Variants in LAMB4 observed in about 807,000 individuals in gnomAD.
LAMB4 encodes laminin subunit beta 4, also known as laminin subunit beta-4.
Under a neutral mutation model 199.2 loss-of-function variants are expected in LAMB4, and 196 were observed. The ratio of observed to expected loss-of-function variants is 0.98; its 90% confidence interval spans 0.88 to 1.11. The LOEUF is 1.11. Ranked by LOEUF, LAMB4 falls within the 50% of genes least tolerant of loss-of-function variation. LAMB4 has a pLI of 0.00. For synonymous variants in LAMB4, 744 were observed against 770.6 expected (o/e 0.97, Z 0.57); for missense variants, 2,080 against 2,171.2 (o/e 0.96, Z 0.83).
At chr7:108,025,437 T>C (rs867622640) in intron 33 of LAMB4, among the ~76,000 whole-genome samples, 6 of 111,140 alleles carry the variant, frequency 5.4e-5, no homozygotes, top group African/African-American at 4.6e-4. Context: ...TCTTTCTTTT[T>C]TTTTTTTTGA....
chr7:108,093,795 T>A (rs1482724334), intron 12 of LAMB4, among the ~76,000 whole-genome samples: 1 of 152,232 alleles, frequency 6.6e-6, no homozygotes, highest in Non-Finnish European at 1.5e-5. Context: ...GCATCCATAT[T>A]TTTTGTATCT....
chr7:108,027,291 A>G (rs1011441396), intron 33 of LAMB4, among the ~76,000 whole-genome samples: 5 of 152,206 alleles, frequency 3.3e-5, no homozygotes, highest in African/African-American at 1.2e-4. Flanking sequence ...TTTCATAGTT[A>G]AAATAACATT....
At chr7:108,083,724 G>A (rs2150588008) in intron 14 of LAMB4, among the ~76,000 whole-genome samples, 1 of 152,316 alleles carries the variant, frequency 6.6e-6, no homozygotes, top group South Asian at 2.1e-4. Flanking sequence ...ATTTGATGCT[G>A]TGTCCCTAAC....
chr7:108,052,295 A>G (rs747911326), intron 25 of LAMB4, 38 bp from the exon 26 acceptor site: 2 of 1,456,964 alleles, frequency 1.4e-6, no homozygotes, highest in East Asian at 2.4e-5. Flanking sequence ...TTAAGCTTGT[A>G]TTACATTTGA....
At chr7:108,116,784 A>C (rs2038422685) in intron 2 of LAMB4, among the ~76,000 whole-genome samples, 1 of 152,184 alleles carries the variant, frequency 6.6e-6, no homozygotes, top group African/African-American at 2.4e-5. Flanking sequence ...TGTACATCTC[A>C]GCACTTGGGA....
At chr7:108,044,099 A>T in intron 28 of LAMB4, 1 of 443,294 alleles carries the variant, frequency 2.3e-6, no homozygotes, top group South Asian at 4.1e-5. Context: ...TCTTTAATTT[A>T]TCATTAATTT....
intron 17 of LAMB4, 104 bp from the exon 18 acceptor site, chr7:108,069,989 G>T: frequency 1.2e-6 from 1 of 817,588 alleles, no homozygotes; most frequent in Non-Finnish European, 1.8e-6. Context: ...GTTCAAAGAA[G>T]ACTCAACTCA....
At chr7:108,114,405 T>C (rs1054072477) in intron 3 of LAMB4, among the ~76,000 whole-genome samples, 1 of 151,906 alleles carries the variant, frequency 6.6e-6, no homozygotes, top group African/African-American at 2.4e-5. Flanking sequence ...TGCTACTGCA[T>C]GCCAGCCTGG....
At chr7:108,124,674 A>AAG (rs1554453312) in intron 1 of LAMB4, among the ~76,000 whole-genome samples, 1 of 151,984 alleles carries the variant, frequency 6.6e-6, no homozygotes, top group Admixed American at 6.6e-5. Context: ...CAAAAAAAAA[A>AAG]CAACCTCATT....
intron 29 of LAMB4, among the ~76,000 whole-genome samples, chr7:108,038,244 C>G (rs1039924757): frequency 3.3e-5 from 5 of 152,084 alleles, no homozygotes; most frequent in African/African-American, 9.7e-5. Context: ...ACTGCAACCT[C>G]TGACTTCCTG....
chr7:108,092,261 G>T, intron 13 of LAMB4, 76 bp downstream of exon 13: 2 of 1,107,032 alleles, frequency 1.8e-6, no homozygotes, highest in South Asian at 1.3e-5. Context: ...TTTCACCTAT[G>T]ACTATGAGCG....
chr7:108,127,862 T>A (rs554993447), intron 1 of LAMB4, among the ~76,000 whole-genome samples: 11 of 152,224 alleles, frequency 7.2e-5, no homozygotes, highest in African/African-American at 2.6e-4. Context: ...TTTGCAGACA[T>A]TTTTGGCTGT....
intron 12 of LAMB4, among the ~76,000 whole-genome samples, chr7:108,094,812 T>A (rs1171315005): frequency 6.6e-6 from 1 of 152,230 alleles, no homozygotes; most frequent in Non-Finnish European, 1.5e-5. Context: ...CTTGTTTTTT[T>A]ATAAGACCTT....
chr7:108,022,039 G>C (rs1466688844), downstream of LAMB4, among the ~76,000 whole-genome samples: 1 of 152,182 alleles, frequency 6.6e-6, no homozygotes, highest in Admixed American at 6.5e-5. Context: ...AAGTCACTGG[G>C]ATGGTGGTGA....
intron 31 of LAMB4, among the ~76,000 whole-genome samples, chr7:108,033,705 G>A (rs1001314838): frequency 6.7e-6 from 1 of 150,256 alleles, no homozygotes; most frequent in African/African-American, 2.5e-5. Context: ...AACCATGCCT[G>A]GCCAGATGGA....
chr7:108,019,885 G>A (rs1156557623), downstream of LAMB4, among the ~76,000 whole-genome samples: 2 of 152,130 alleles, frequency 1.3e-5, no homozygotes, highest in African/African-American at 2.4e-5. Context: ...GGTCTCAGCT[G>A]TCCTTCATCT....
intron 22 of LAMB4, among the ~76,000 whole-genome samples, chr7:108,063,237 G>A (rs146677166): frequency 2.0e-4 from 30 of 152,272 alleles, no homozygotes; most frequent in Admixed American, 1.9e-3. Flanking sequence ...CAGTTAGGAT[G>A]ATTAAAAGTC....
chr7:108,116,704 C>A (rs2038419906), intron 2 of LAMB4, among the ~76,000 whole-genome samples: 1 of 152,138 alleles, frequency 6.6e-6, no homozygotes, highest in Non-Finnish European at 1.5e-5. Flanking sequence ...AAATCCTAAA[C>A]TCAATTTTGT....
intron 28 of LAMB4, among the ~76,000 whole-genome samples, chr7:108,047,459 G>A (rs192438159): frequency 6.6e-6 from 1 of 152,058 alleles, no homozygotes; most frequent in African/African-American, 2.4e-5. Context: ...TCTTCCTGAT[G>A]ATTTTTCTGA....
Sources: gnomAD v4.1 joint callset for allele counts (sites outside exome capture counted in the v4.1 genomes callset) on GRCh38, gnomAD v4.1.1 for gene constraint, MANE v1.5 for transcripts, NCBI Gene and HGNC (gene_info 2026-07-23, HGNC 2026-07-21) for gene names.